The following ZNF341 variants were observed in gnomAD, a reference collection of about 807,000 sequenced individuals.
ZNF341 encodes zinc finger protein 341.
Under a neutral mutation model 87.7 loss-of-function variants are expected in ZNF341, and 52 were observed. The ratio of observed to expected loss-of-function variants is 0.59; its 90% CI spans 0.47 to 0.75. ZNF341 has a LOEUF of 0.75. Among genes scored for constraint, ZNF341 ranks in the 30% least tolerant of loss-of-function variants. The probability of loss-of-function intolerance (pLI) is 0.00; values close to 1 mark genes in which losing one functional copy is unlikely to be tolerated. For missense variants in ZNF341, 977 were observed against 1,145.9 expected (o/e 0.85, Z 2.13); for synonymous variants, 459 against 472.7 (o/e 0.97, Z 0.38).
intron 10 of ZNF341, among the ~76,000 whole-genome samples, chr20:33,774,279 G>C (rs957612615): frequency 1.3e-5 from 2 of 152,068 alleles, no homozygotes; most frequent in Admixed American, 1.3e-4. Flanking sequence ...CTGGGTGACA[G>C]AGAGAGAGAC....
rs1370355902 is a variant in ZNF341 at position 33,791,291 on chromosome 20, G to T, written c.2339G>T (p.Gly780Val). 1.9e-6 allele frequency: 3 copies of T among 1,611,682 alleles called. No homozygotes were observed. The highest frequency in any genetic ancestry group is 2.5e-6 in the Non-Finnish European group (3 of 1,179,534). The change falls in exon 15 of 15, where the codon GGG (glycine) becomes GTG (valine). Residue 780 changes from glycine (G) to valine (V), a missense_variant. By Grantham distance (109) the Gly-to-Val change is moderately radical. Transcript: ENST00000375200. ...GGGCTGGAGGAGCTGAAGGACACAG[G>T]GGCTGGGCTGGTGCCCGAGGCTGTC... The part of the protein sequence containing the change: ...PLGLEELKDT[G>V]AGLVPEAVPG...
intron 10 of ZNF341, among the ~76,000 whole-genome samples, chr20:33,773,757 CA>C (rs1428427666): frequency 6.6e-6 from 1 of 152,080 alleles, no homozygotes; most frequent in Non-Finnish European, 1.5e-5. Context: ...GTAGAAACCT[CA>C]AATAACAGTG....
In ZNF341 at chr20:33,764,525, ATG is replaced by A. The variant is rs540983227; in HGVS notation, c.1223-2314_1223-2313del. The stretch of plus-strand genomic sequence containing the variant: ...TGTGTGTATATATATATGTATATAT[ATG>A]TGTGTGTGTGTATGTGTATATATAT... On this transcript the variant is annotated intron_variant, in intron 8 of 14. Transcript: ENST00000375200. Among the ~76,000 whole-genome samples the A allele has an allele frequency of 2.5e-3, 300 of 118,946 alleles. 2 individuals carry two copies. Among genetic ancestry groups the A allele is most frequent in the African/African-American group, 8.6e-3 (273 of 31,638 alleles). The allele number at this position is 118,946 out of a possible 152,430, so 78.0% of individuals were successfully genotyped here.
chr20:33,764,019 T>C (rs1384728408), intron 8 of ZNF341, among the ~76,000 whole-genome samples: 1 of 146,324 alleles, frequency 6.8e-6, no homozygotes, highest in African/African-American at 2.5e-5. Context: ...CCCATCTCTC[T>C]CTTTTTTTTT....
In ZNF341 at chr20:33,762,002, C is replaced by A; in HGVS notation, c.1169C>A (p.Thr390Asn). 1.2e-6 allele frequency: 2 copies of A among 1,603,538 alleles called. No homozygotes were observed. Among genetic ancestry groups the A allele is most frequent in the Non-Finnish European group, 1.7e-6 (2 of 1,172,298 alleles). ...GGCACCGTGTCTCGAAACTCTGTGA[C>A]CGTACAGGTCATGGCCCTGAACCCC... ...SGGTVSRNSV[T>N]VQVMALNPSR... Residue 390 changes from threonine (T) to asparagine (N), a missense_variant, in exon 8 of 15, where the codon ACC becomes AAC. Around this residue, in one of 3 missense-constraint regions of ZNF341, gnomAD observed 515 missense variants for 598.2 expected, o/e 0.86. Transcript: ENST00000375200.
intron 4 of ZNF341, among the ~76,000 whole-genome samples, chr20:33,751,121 C>T (rs1481093835): frequency 6.6e-6 from 1 of 152,128 alleles, no homozygotes; most frequent in Non-Finnish European, 1.5e-5. Flanking sequence ...TATGGATAGG[C>T]CATCTTCTGC....
At chr20:33,787,805 T>A (rs550499381) in intron 12 of ZNF341, 3 of 152,412 alleles carry the variant, frequency 2.0e-5, no homozygotes, top group African/African-American at 7.2e-5. Flanking sequence ...TGGGAGTCAG[T>A]GCCTCCTGGT....
At chr20:33,742,546 C>A (rs550424658) in intron 2 of ZNF341, among the ~76,000 whole-genome samples, 61 of 151,868 alleles carry the variant, frequency 4.0e-4, no homozygotes, top group Middle Eastern at 3.4e-3. Flanking sequence ...GAACTCCTGA[C>A]CTCAGGTGAT....
At position 33,732,033 on chromosome 20, in the gene ZNF341, G is replaced by T. The variant is rs1255914140; in HGVS notation, c.12G>T (p.Ala4=). The T allele has an allele frequency of 7.8e-6, 11 of 1,409,048 alleles. No individual in the cohort carries two copies. The highest frequency in any genetic ancestry group is 8.4e-6 in the Non-Finnish European group (9 of 1,076,206). The allele number at this position is 1,409,048 out of a possible 1,614,324, so 87.3% of individuals were successfully genotyped here. ...GCGGCGGCTCCAAGATGGCGCAGGC[G>T]ATCTTTGAGGCCCTGGAGGGTGAGC... MAQ[A]IFEALEGMDN... is the part of the protein sequence containing the mutation. The change falls in exon 1 of 15, where the codon GCG becomes GCT. Residue 4 remains alanine, a synonymous_variant. Transcript: ENST00000375200. The surrounding 1 kb of genome is among the most constrained non-coding windows in gnomAD (Gnocchi z 4.5).
chr20:33,765,690 T>A (rs1037316113), intron 8 of ZNF341, among the ~76,000 whole-genome samples: 1 of 152,076 alleles, frequency 6.6e-6, no homozygotes, highest in Non-Finnish European at 1.5e-5. Context: ...AAAGAATAAA[T>A]AATTTCTTCC....
At chr20:33,762,286 A>T (rs973359334) in intron 8 of ZNF341, among the ~76,000 whole-genome samples, 1 of 150,536 alleles carries the variant, frequency 6.6e-6, no homozygotes, top group Non-Finnish European at 1.5e-5. Flanking sequence ...TCACCTACCC[A>T]TTTTTTGCTG....
intron 5 of ZNF341, among the ~76,000 whole-genome samples, chr20:33,756,807 A>G (rs1275667250): frequency 1.3e-5 from 2 of 152,248 alleles, no homozygotes; most frequent in African/African-American, 2.4e-5. Context: ...TAATCTTCAC[A>G]GTAACCGCAT....
In ZNF341 at chr20:33,745,342, C is replaced by G. The variant is rs1005112703; in HGVS notation, c.339+43C>G. On this transcript the variant is annotated intron_variant, in intron 3 of 14. Coordinates refer to ENST00000375200, the MANE Select transcript of ZNF341 (RefSeq NM_001282933.2). ...CATTCAACATGTCTTTTTTGAGGGCCTAACATGCTCAGGCACTGTGCTGGG... is the reference window on the plus strand; with the variant it reads ...CATTCAACATGTCTTTTTTGAGGGCGTAACATGCTCAGGCACTGTGCTGGG... 8 of 1,572,562 alleles carry G rather than the reference C, an allele frequency of 5.1e-6. No individual in the cohort carries two copies. The African/African-American group carries it at 1.1e-4, about 21-fold the overall frequency.
chr20:33,777,609 G>C (rs2019655146), intron 10 of ZNF341, among the ~76,000 whole-genome samples: 2 of 150,820 alleles, frequency 1.3e-5, no homozygotes, highest in African/African-American at 4.9e-5. Context: ...ACTCCAGCCT[G>C]GGTGACAGAG....
chr20:33,777,144 T>A (rs1457030660), intron 10 of ZNF341, among the ~76,000 whole-genome samples: 3 of 123,422 alleles, frequency 2.4e-5, no homozygotes, highest in Non-Finnish European at 4.9e-5. Flanking sequence ...CAAAACCCCG[T>A]CTTTACCAAA....
chr20:33,783,884 G>A lies in ZNF341; in HGVS notation c.1852+20G>A. On this transcript the variant is annotated intron_variant, in intron 12 of 14. Coordinates refer to ENST00000375200, the MANE Select transcript of ZNF341 (RefSeq NM_001282933.2). ...ACTCGGGTAGGTACCCTGCCCCTGA[G>A]AACTCCAGCCCAGCCCCTCCCCTCC... 1 of 1,608,268 alleles carries A rather than the reference G, an allele frequency of 6.2e-7. No homozygotes were observed. The highest frequency in any genetic ancestry group is 8.5e-7 in the Non-Finnish European group (1 of 1,177,048).
At chr20:33,759,545 A>G (rs1444467926) in intron 7 of ZNF341, among the ~76,000 whole-genome samples, 1 of 152,126 alleles carries the variant, frequency 6.6e-6, no homozygotes, top group Non-Finnish European at 1.5e-5. Context: ...CGGCCTCCCA[A>G]AGTACTGGAA....
At chr20:33,771,425 T>C (rs2019529842) in intron 10 of ZNF341, among the ~76,000 whole-genome samples, 1 of 151,738 alleles carries the variant, frequency 6.6e-6, no homozygotes, top group Non-Finnish European at 1.5e-5. Flanking sequence ...TTTGTATTTT[T>C]TGTAGAGACG....
At position 33,791,665 on chromosome 20, in the gene ZNF341, C is replaced by G; in HGVS notation, c.*148C>G. ...GCTGAATGTCATTCAGAAACCTCAG[C>G]CCATGGTCGCCCTCCTGTGCCCCTC... is the stretch of plus-strand genomic sequence containing the variant. On this transcript the variant is annotated 3_prime_UTR_variant, in exon 15 of 15. Coordinates refer to ENST00000375200, the MANE Select transcript of ZNF341 (RefSeq NM_001282933.2). 1.1e-6 allele frequency: 1 copy of G among 918,928 alleles called. No individual in the cohort carries two copies. The highest frequency in any genetic ancestry group is 2.0e-5 in the South Asian group (1 of 49,424). The allele number at this position is 918,928 out of a possible 1,614,324, so 56.9% of individuals were successfully genotyped here.
Sources: allele counts gnomAD v4.1 joint callset (sites outside exome capture counted in the v4.1 genomes callset), GRCh38; gene constraint gnomAD v4.1.1; regional missense constraint gnomAD v4.1.1; non-coding constraint Gnocchi (gnomAD v3.1); transcripts MANE v1.5; gene names NCBI Gene and HGNC (gene_info 2026-07-23, HGNC 2026-07-21).